Variants in IL12RB2 observed in about 807,000 individuals in gnomAD.
The protein encoded by IL12RB2 is interleukin 12 receptor subunit beta 2.
IL12RB2 carries 82 observed loss-of-function variants against 89.4 expected under a neutral mutation model. The ratio of observed to expected loss-of-function variants is 0.92; its 90% CI spans 0.77 to 1.10. The LOEUF (loss-of-function observed/expected upper bound fraction) is 1.10, where lower values mean the gene tolerates loss of function less well. Among genes scored for constraint, IL12RB2 ranks in the 50% least tolerant of loss-of-function variants. The probability of loss-of-function intolerance (pLI) is 0.00; values close to 1 mark genes in which losing one functional copy is unlikely to be tolerated. For synonymous variants in IL12RB2, 368 were observed against 370.1 expected (o/e 0.99, Z 0.07); for missense variants, 963 against 1,031.9 (o/e 0.93, Z 0.92).
chr1:67,396,221 C>A lies in IL12RB2; in HGVS notation c.*132C>A. 1.3e-6 allele frequency: 1 copy of A among 765,624 alleles called. No individual in the cohort carries two copies. The highest frequency in any genetic ancestry group is 1.4e-5 in the South Asian group (1 of 73,298). 47.4% of individuals were successfully genotyped at this position (765,624 alleles called of 1,614,324 possible). On this transcript the variant is annotated 3_prime_UTR_variant, in exon 17 of 17. Transcript: ENST00000674203. ...GGTCTGGCTGCAGCTAGAGGACAGGCAAGCCAGCTCTGGGGGAGTCTTAGG... is the reference window on the plus strand; with the variant it reads ...GGTCTGGCTGCAGCTAGAGGACAGGAAAGCCAGCTCTGGGGGAGTCTTAGG...
chr1:67,363,737 G>T (rs1202589437), intron 10 of IL12RB2, among the ~76,000 whole-genome samples: 1 of 152,186 alleles, frequency 6.6e-6, no homozygotes, highest in South Asian at 2.1e-4. Context: ...GCAGTATATT[G>T]TTATTTGAAA....
chr1:67,362,539 GTCCGGCCTGGGCGACAGAGCGAGAC>G (rs1662190201), intron 10 of IL12RB2, among the ~76,000 whole-genome samples: 1 of 136,140 alleles, frequency 7.3e-6, no homozygotes, highest in African/African-American at 2.7e-5. Flanking sequence ...GCAGTCCGCA[GTCCGGCCTGGGCGACAGAGCGAGAC>G]TCCGTCTCAA....
chr1:67,356,971 G>A (rs1661462841), intron 10 of IL12RB2, among the ~76,000 whole-genome samples: 1 of 152,142 alleles, frequency 6.6e-6, no homozygotes, highest in Admixed American at 6.5e-5. Flanking sequence ...TCAGAAACAG[G>A]TAGTTATGAA....
Position 67,367,974 on chromosome 1 carries a change from C to T in IL12RB2, c.1408C>T (p.Pro470Ser), listed in dbSNP as rs1253759589. 6.2e-7 allele frequency: 1 copy of T among 1,611,136 alleles called. No individual in the cohort carries two copies. Among genetic ancestry groups the T allele is most frequent in the African/African-American group, 1.3e-5 (1 of 74,862 alleles). ...CCATCCAGGGGGTGACACACAGGTC[C>T]CTCTAAACTGGCTACGGAGTCGACC... Reference protein sequence around the residue: ...ELHPGGDTQVPLNWLRSRPYN... With the variant: ...ELHPGGDTQVSLNWLRSRPYN... Residue 470 changes from proline to serine, a missense_variant, in exon 11 of 17, where the codon CCT (proline) becomes TCT (serine). By Grantham distance (74) the Pro-to-Ser change is moderately conservative. Transcript: ENST00000674203.
At chr1:67,337,155 G>A (rs576136534) in intron 8 of IL12RB2, among the ~76,000 whole-genome samples, 11 of 152,212 alleles carry the variant, frequency 7.2e-5, no homozygotes, top group South Asian at 4.2e-4. Flanking sequence ...GGGTACTTAC[G>A]CTCCCTTTCT....
chr1:67,371,240 T>C (rs1477163787), intron 11 of IL12RB2, among the ~76,000 whole-genome samples: 2 of 152,218 alleles, frequency 1.3e-5, no homozygotes, highest in South Asian at 2.1e-4. Context: ...TGAACTCAAA[T>C]TGGAATTTAC....
chr1:67,389,148 G>A (rs1454290377), intron 15 of IL12RB2, among the ~76,000 whole-genome samples: 1 of 152,064 alleles, frequency 6.6e-6, no homozygotes, highest in Non-Finnish European at 1.5e-5. Context: ...GTGGGCAGCT[G>A]TGCTCCATAG....
chr1:67,343,244 C>T (rs1028649573), intron 9 of IL12RB2, among the ~76,000 whole-genome samples: 3 of 152,032 alleles, frequency 2.0e-5, no homozygotes, highest in Admixed American at 6.6e-5. Flanking sequence ...TCCATCACCA[C>T]GCCCAGCTAA....
At chr1:67,320,468 C>G in intron 3 of IL12RB2, 24 bp downstream of exon 3, 2 of 1,613,136 alleles carry the variant, frequency 1.2e-6, no homozygotes, top group Non-Finnish European at 8.5e-7. Flanking sequence ...GTAAGTTACT[C>G]TGTGGAAGAA....
chr1:67,374,924 A>G (rs1557462467), intron 13 of IL12RB2, among the ~76,000 whole-genome samples: 1 of 151,848 alleles, frequency 6.6e-6, no homozygotes, highest in Non-Finnish European at 1.5e-5. Flanking sequence ...TGATGACTCT[A>G]AAGCCTGCAT....
intron 9 of IL12RB2, among the ~76,000 whole-genome samples, chr1:67,341,457 A>G (rs992599070): frequency 1.1e-4 from 17 of 151,640 alleles, no homozygotes; most frequent in African/African-American, 4.1e-4. Flanking sequence ...GAAGAGAGGG[A>G]GGGAAGGAGG....
intron 4 of IL12RB2, among the ~76,000 whole-genome samples, chr1:67,325,633 T>C (rs1239834895): frequency 6.6e-6 from 1 of 152,248 alleles, no homozygotes; most frequent in Non-Finnish European, 1.5e-5. Context: ...ATTATACCCA[T>C]TTTATAGATT....
At chr1:67,336,574 A>G (rs944781102) in intron 8 of IL12RB2, among the ~76,000 whole-genome samples, 13 of 152,238 alleles carry the variant, frequency 8.5e-5, no homozygotes, top group African/African-American at 3.1e-4. Flanking sequence ...ATACTACTGC[A>G]AAGGAGAGAA....
chr1:67,338,459 A>T (rs1569884074), intron 8 of IL12RB2, among the ~76,000 whole-genome samples, 165 bp from the exon 9 acceptor site: 1 of 150,552 alleles, frequency 6.6e-6, no homozygotes, highest in South Asian at 2.1e-4. Flanking sequence ...GGCCAAAGAT[A>T]TATATGTTCA....
At chr1:67,371,847 G>C (rs556876611) in intron 11 of IL12RB2, among the ~76,000 whole-genome samples, 1 of 152,260 alleles carries the variant, frequency 6.6e-6, no homozygotes, top group South Asian at 2.1e-4. Context: ...ACAAGGGGTC[G>C]GATTGCACCC....
At chr1:67,365,982 G>A (rs1238688466) in intron 10 of IL12RB2, among the ~76,000 whole-genome samples, 1 of 152,114 alleles carries the variant, frequency 6.6e-6, no homozygotes, top group Non-Finnish European at 1.5e-5. Context: ...GGCTAGGTAA[G>A]ATACTGTTGA....
At chr1:67,328,524 T>G in intron 6 of IL12RB2, 140 bp downstream of exon 6, 1 of 1,461,060 alleles carries the variant, frequency 6.8e-7, no homozygotes, top group African/African-American at 1.4e-5. Flanking sequence ...AGAAGTTACT[T>G]TGATGCAAGT....
intron 15 of IL12RB2, among the ~76,000 whole-genome samples, chr1:67,389,437 A>G (rs934163430): frequency 1.3e-5 from 2 of 152,214 alleles, no homozygotes; most frequent in Non-Finnish European, 2.9e-5. Context: ...CATTTATAAG[A>G]AATGTTTTTA....
intron 4 of IL12RB2, 120 bp downstream of exon 4, chr1:67,322,009 T>TA: frequency 2.3e-6 from 2 of 867,320 alleles, no homozygotes; most frequent in Non-Finnish European, 3.9e-6. Flanking sequence ...TCCCACCACA[T>TA]TGAAGTATTT....
Sources: allele counts gnomAD v4.1 joint callset (sites outside exome capture counted in the v4.1 genomes callset), GRCh38; gene constraint gnomAD v4.1.1; transcripts MANE v1.5; gene names NCBI Gene and HGNC (gene_info 2026-07-23, HGNC 2026-07-21).